The following PTPRT variants were observed in gnomAD, a reference collection of about 807,000 sequenced individuals.
PTPRT encodes the protein receptor-type tyrosine-protein phosphatase T.
Under a neutral mutation model 176.8 loss-of-function variants are expected in PTPRT, and 56 were observed. The observed-to-expected ratio is 0.32, with a 90% CI of 0.26 to 0.40. The LOEUF is 0.40. PTPRT is among the 10% of genes least tolerant of loss of function. The pLI is 1.00. For missense variants in PTPRT, 1,540 were observed against 1,908.2 expected, an observed-to-expected ratio of 0.81 and a Z score of 3.60; for synonymous variants, 783 against 739.0, an observed-to-expected ratio of 1.06 and a Z score of -0.96.
At chr20:42,660,766 G>C (rs981671379) in intron 7 of PTPRT, among the ~76,000 whole-genome samples, 1 of 152,168 alleles carries the variant, frequency 6.6e-6, no homozygotes, top group African/African-American at 2.4e-5. Flanking sequence ...AATGGAAAGG[G>C]CAAGTAATAA....
At chr20:43,062,697 T>A (rs62205282) in intron 1 of PTPRT, among the ~76,000 whole-genome samples, 2,149 of 152,322 alleles carry the variant, frequency 0.014, 25 homozygotes, top group Non-Finnish European at 0.021. Context: ...GGCCATGAAA[T>A]CTTGGATTAA....
At chr20:42,111,080 C>T (rs1555870639) in intron 22 of PTPRT, among the ~76,000 whole-genome samples, 1 of 152,160 alleles carries the variant, frequency 6.6e-6, no homozygotes, top group Non-Finnish European at 1.5e-5. Context: ...CTGATGGAGA[C>T]AGAGTGGGGC....
chr20:42,947,063 T>C (rs1276141868), intron 1 of PTPRT, among the ~76,000 whole-genome samples: 1 of 152,140 alleles, frequency 6.6e-6, no homozygotes, highest in Admixed American at 6.5e-5. Flanking sequence ...AGTGCAGGTA[T>C]GGGATTTTGA....
At chr20:42,236,105 G>C (rs923314077) in intron 15 of PTPRT, 124 bp downstream of exon 15, 19 of 786,786 alleles carry the variant, frequency 2.4e-5, no homozygotes, top group Non-Finnish European at 3.6e-5. Context: ...AAACTTTAAG[G>C]CTACAGACAA....
At chr20:42,702,351 T>C (rs948044862) in intron 6 of PTPRT, among the ~76,000 whole-genome samples, 1 of 152,084 alleles carries the variant, frequency 6.6e-6, no homozygotes, top group African/African-American at 2.4e-5. Flanking sequence ...TCTCCAGGGA[T>C]CAACACGGAT....
intron 6 of PTPRT, among the ~76,000 whole-genome samples, chr20:42,700,201 T>C (rs950552256): frequency 6.6e-6 from 1 of 152,264 alleles, no homozygotes; most frequent in Middle Eastern, 3.4e-3. Flanking sequence ...ACAAACCTCA[T>C]TTCGATGTGA....
intron 11 of PTPRT, among the ~76,000 whole-genome samples, chr20:42,334,209 C>T (rs558536489): frequency 2.4e-3 from 366 of 152,214 alleles, no homozygotes; most frequent in South Asian, 5.2e-3. Flanking sequence ...GATAAGTCTT[C>T]GTTGTAGGGG....
At chr20:42,965,682 G>C (rs185871001) in intron 1 of PTPRT, among the ~76,000 whole-genome samples, 170 of 152,260 alleles carry the variant, frequency 1.1e-3, no homozygotes, top group Non-Finnish European at 1.8e-3. Flanking sequence ...TTAACTGAGA[G>C]CCATAAAACT....
At chr20:42,852,477 C>T (rs929034039) in intron 2 of PTPRT, among the ~76,000 whole-genome samples, 4 of 152,052 alleles carry the variant, frequency 2.6e-5, no homozygotes, top group African/African-American at 9.7e-5. Flanking sequence ...AAATTTATTT[C>T]GTATCTGGTC....
At chr20:43,073,233 G>A (rs1453830172) in intron 1 of PTPRT, among the ~76,000 whole-genome samples, 2 of 152,204 alleles carry the variant, frequency 1.3e-5, no homozygotes, top group African/African-American at 4.8e-5. Context: ...TGTTTTAACT[G>A]TTAAATATAC....
intron 15 of PTPRT, among the ~76,000 whole-genome samples, chr20:42,202,874 T>C (rs1211983625): frequency 6.6e-6 from 1 of 152,184 alleles, no homozygotes; most frequent in Non-Finnish European, 1.5e-5. Context: ...AAAGGAATCA[T>C]AATAATAATG....
intron 1 of PTPRT, among the ~76,000 whole-genome samples, chr20:43,017,172 T>C (rs1985411087): frequency 6.6e-6 from 1 of 152,244 alleles, no homozygotes; most frequent in Admixed American, 6.5e-5. Flanking sequence ...ATTCCTAGTC[T>C]GAAACATTAT....
chr20:42,769,295 T>C (rs974261611), intron 5 of PTPRT, among the ~76,000 whole-genome samples: 9 of 152,130 alleles, frequency 5.9e-5, no homozygotes, highest in African/African-American at 2.2e-4. Flanking sequence ...TGGCTTAAAT[T>C]CAAGAAAAGA....
rs774634006 is a variant in PTPRT at position 42,084,756 on chromosome 20, G to A, written c.4062C>T (p.Leu1354=). 3 of 1,566,962 alleles carry A rather than the reference G, an allele frequency of 1.9e-6. No homozygotes were observed. Among genetic ancestry groups the A allele is most frequent in the African/African-American group, 2.7e-5 (2 of 74,138 alleles). ...RDTPPSKRSL[L]KVVRRLEKWQ... The stretch of plus-strand genomic sequence containing the variant: ...ACTTCTCCAGTCGTCGGACCACTTT[G>A]AGCAGAGAGCGCTTGGAGGGGGGCG... The change falls in exon 29 of 31, where the codon CTC becomes CTT. Residue 1354 remains leucine (L), a synonymous_variant. Coordinates refer to ENST00000373187, the MANE Select transcript of PTPRT (RefSeq NM_007050.6).
At chr20:43,120,433 G>A (rs1286907132) in intron 1 of PTPRT, among the ~76,000 whole-genome samples, 2 of 152,054 alleles carry the variant, frequency 1.3e-5, no homozygotes, top group South Asian at 2.1e-4. Flanking sequence ...CACCACGTCC[G>A]GCTAATTGTT....
intron 1 of PTPRT, among the ~76,000 whole-genome samples, chr20:42,985,652 T>C (rs1983531692): frequency 6.6e-6 from 1 of 151,964 alleles, no homozygotes; most frequent in South Asian, 2.1e-4. Context: ...TACAGACTTT[T>C]TAAAATTATA....
intron 30 of PTPRT, 79 bp from the exon 31 acceptor site, chr20:42,081,011 T>G: frequency 5.0e-6 from 6 of 1,188,718 alleles, no homozygotes; most frequent in Non-Finnish European, 7.4e-6. Context: ...AAAATGCATT[T>G]AGTTTAGAGA....
chr20:42,777,470 T>C (rs1404369917), intron 4 of PTPRT, among the ~76,000 whole-genome samples: 1 of 152,156 alleles, frequency 6.6e-6, no homozygotes, highest in Non-Finnish European at 1.5e-5. Flanking sequence ...CTGACCACTA[T>C]ATCCAAGCAG....
At chr20:42,268,961 C>G (rs1246810857) in intron 13 of PTPRT, among the ~76,000 whole-genome samples, 1 of 152,172 alleles carries the variant, frequency 6.6e-6, no homozygotes, top group Non-Finnish European at 1.5e-5. Context: ...GGAACCACTT[C>G]CCCAGGAGGT....
Sources: gnomAD v4.1 joint callset for allele counts (sites outside exome capture counted in the v4.1 genomes callset) on GRCh38, gnomAD v4.1.1 for gene constraint, MANE v1.5 for transcripts, NCBI Gene and HGNC (gene_info 2026-07-23, HGNC 2026-07-21) for gene names.